The following INPP4B variants were observed in gnomAD, a reference collection of about 807,000 sequenced individuals.
INPP4B encodes the protein inositol polyphosphate-4-phosphatase type II B, also known as inositol polyphosphate 4-phosphatase type II.
INPP4B carries 55 observed loss-of-function variants against 122.5 expected under a neutral mutation model. The observed-to-expected ratio is 0.45, with a 90% CI of 0.36 to 0.56. The LOEUF (loss-of-function observed/expected upper bound fraction) is 0.56, where lower values mean the gene tolerates loss of function less well. Among genes scored for constraint, INPP4B ranks in the 20% least tolerant of loss-of-function variants. The probability of loss-of-function intolerance (pLI) is 0.00; values close to 1 mark genes in which losing one functional copy is unlikely to be tolerated. For synonymous variants in INPP4B, 403 were observed against 388.7 expected (o/e 1.04, Z -0.43); for missense variants, 1,000 against 1,097.7 (o/e 0.91, Z 1.26).
At chr4:142,449,432 G>A (rs995650071) in intron 3 of INPP4B, among the ~76,000 whole-genome samples, 5 of 152,138 alleles carry the variant, frequency 3.3e-5, no homozygotes, top group Non-Finnish European at 7.3e-5. Context: ...GGCCAGGTGT[G>A]GTGGCTCATG....
intron 12 of INPP4B, among the ~76,000 whole-genome samples, chr4:142,216,357 C>T (rs758103956): frequency 3.9e-5 from 6 of 152,180 alleles, no homozygotes; most frequent in Non-Finnish European, 7.4e-5. Context: ...GCTTAGGCCT[C>T]TTACACATTA....
intron 2 of INPP4B, among the ~76,000 whole-genome samples, chr4:142,571,348 T>C (rs56247676): frequency 0.052 from 7,990 of 152,210 alleles, 271 homozygotes; most frequent in African/African-American, 0.072. Flanking sequence ...GATATACATG[T>C]ATACAGTGAA....
chr4:142,273,692 G>C (rs1747017814), intron 9 of INPP4B, among the ~76,000 whole-genome samples: 1 of 151,742 alleles, frequency 6.6e-6, no homozygotes, highest in African/African-American at 2.4e-5. Flanking sequence ...CTTAGTGCCT[G>C]GGTGGAATCA....
At chr4:142,426,290 C>A (rs1808040685) in intron 5 of INPP4B, among the ~76,000 whole-genome samples, 1 of 151,908 alleles carries the variant, frequency 6.6e-6, no homozygotes, top group Non-Finnish European at 1.5e-5. Flanking sequence ...ACAATTGTTT[C>A]CATAAAGAAA....
At chr4:142,323,748 CTTT>C (rs200537355) in intron 7 of INPP4B, among the ~76,000 whole-genome samples, 2 of 143,268 alleles carry the variant, frequency 1.4e-5, no homozygotes, top group Admixed American at 1.4e-4. Context: ...CCCAGCAGAT[CTTT>C]TTTTTTTTTT....
At chr4:142,606,998 T>C (rs1280360640) in intron 2 of INPP4B, among the ~76,000 whole-genome samples, 1 of 151,932 alleles carries the variant, frequency 6.6e-6, no homozygotes, top group African/African-American at 2.4e-5. Flanking sequence ...ATCTAAACTA[T>C]AAATAAATCT....
chr4:142,613,019 C>CT (rs1471738593), intron 2 of INPP4B, among the ~76,000 whole-genome samples: 1 of 152,092 alleles, frequency 6.6e-6, no homozygotes, highest in African/African-American at 2.4e-5. Flanking sequence ...GAAGCATGGC[C>CT]TTTTTTCTCC....
chr4:142,626,378 C>T (rs1746402580), intron 2 of INPP4B, among the ~76,000 whole-genome samples: 1 of 151,916 alleles, frequency 6.6e-6, no homozygotes, highest in Admixed American at 6.6e-5. Flanking sequence ...AAAGATTTGA[C>T]ATGAGAGATT....
intron 16 of INPP4B, among the ~76,000 whole-genome samples, chr4:142,161,740 G>T (rs1049572561): frequency 6.6e-6 from 1 of 151,808 alleles, no homozygotes. Context: ...TGCCCAGTAA[G>T]ATTTTGTTAT....
chr4:142,463,112 C>A (rs1560686312), intron 2 of INPP4B, among the ~76,000 whole-genome samples: 1 of 152,210 alleles, frequency 6.6e-6, no homozygotes, highest in Non-Finnish European at 1.5e-5. Flanking sequence ...AGAAAGGTGA[C>A]TCTTCAAGTC....
At position 142,726,942 on chromosome 4, in the gene INPP4B, G is replaced by A. The variant is rs1330881176; in HGVS notation, c.-253-1041C>T. Among the ~76,000 whole-genome samples the A allele has an allele frequency of 2.6e-5, 4 of 152,060 alleles. No homozygotes were observed. In the East Asian group the frequency reaches 7.7e-4, roughly 29 times the overall value. On this transcript the variant is annotated intron_variant, in intron 1 of 25. Coordinates refer to ENST00000262992, the MANE Select transcript of INPP4B (RefSeq NM_001101669.3). ...CCAAGCTAAGCATGAGAAAGCATAA[G>A]CTAATATAATATCATCATTATTATT... is the stretch of plus-strand genomic sequence containing the variant.
chr4:142,328,840 C>T (rs1189697337), intron 7 of INPP4B, among the ~76,000 whole-genome samples: 2 of 152,122 alleles, frequency 1.3e-5, no homozygotes, highest in Admixed American at 1.3e-4. Flanking sequence ...TAAAAGGGTC[C>T]TAAAACCAAA....
chr4:142,842,883 T>C (rs1400015816), intron 1 of INPP4B, among the ~76,000 whole-genome samples: 1 of 138,874 alleles, frequency 7.2e-6, no homozygotes, highest in Non-Finnish European at 1.5e-5. Context: ...TAAATATATA[T>C]GATTATTATA....
chr4:142,045,975 T>C (rs1417566681), intron 25 of INPP4B, among the ~76,000 whole-genome samples: 4 of 152,042 alleles, frequency 2.6e-5, no homozygotes, highest in African/African-American at 9.7e-5. Flanking sequence ...GAGGACTTTT[T>C]TTCAATAAAT....
rs527455175 is a variant in INPP4B, at chr4:142,213,107, C to A, written c.837-4081G>T. 3.9e-5 allele frequency among the ~76,000 whole-genome samples: 6 copies of A among 152,258 alleles called. 1 individual carries two copies. In the South Asian group the frequency reaches 1.2e-3, roughly 32 times the overall value. ...AGTAGAAGCAATATTATGTGGGGCA[C>A]CATATCATTGGATTAGGCATTCTTA... On this transcript the variant is annotated intron_variant, in intron 12 of 25. Coordinates refer to ENST00000262992, the MANE Select transcript of INPP4B (RefSeq NM_001101669.3).
chr4:142,276,107 C>T (rs1020939312), intron 9 of INPP4B, among the ~76,000 whole-genome samples: 1 of 151,774 alleles, frequency 6.6e-6, no homozygotes, highest in African/African-American at 2.4e-5. Context: ...CCAATTCTTC[C>T]TCCATAATGT....
chr4:142,108,707 C>T (rs946000306), intron 22 of INPP4B, among the ~76,000 whole-genome samples: 21 of 152,160 alleles, frequency 1.4e-4, no homozygotes, highest in Admixed American at 3.3e-4. Context: ...TCATTTCTGC[C>T]GACATTTTTT....
At chr4:142,816,616 A>G (rs1780149126) in intron 1 of INPP4B, among the ~76,000 whole-genome samples, 1 of 152,170 alleles carries the variant, frequency 6.6e-6, no homozygotes, top group Non-Finnish European at 1.5e-5. Context: ...AAAGTTGTGC[A>G]TAAATATATA....
At chr4:142,288,566 G>C (rs1355195537) in intron 9 of INPP4B, among the ~76,000 whole-genome samples, 2 of 152,128 alleles carry the variant, frequency 1.3e-5, no homozygotes, top group African/African-American at 2.4e-5. Context: ...CTGGGCGACA[G>C]AGCGAGACTC....
Sources: allele counts gnomAD v4.1 joint callset (sites outside exome capture counted in the v4.1 genomes callset), GRCh38; gene constraint gnomAD v4.1.1; transcripts MANE v1.5; gene names NCBI Gene and HGNC (gene_info 2026-07-23, HGNC 2026-07-21).